The following PCDH15 variants were observed in gnomAD, a reference collection of about 807,000 sequenced individuals.
PCDH15 encodes the protein protocadherin related 15.
In PCDH15, 129 loss-of-function variants were observed where a neutral mutation model predicts 178.5. The observed-to-expected ratio is 0.72, with a 90% CI of 0.63 to 0.84. The LOEUF is 0.84. Among genes scored for constraint, PCDH15 ranks in the 40% least tolerant of loss-of-function variants. PCDH15 has a pLI of 0.00. For missense variants in PCDH15, 2,230 were observed against 2,099.9 expected (o/e 1.06, Z -1.21); for synonymous variants, 800 against 732.0 (o/e 1.09, Z -1.50).
At chr10:54,250,739 A>G (rs989260035) in intron 8 of PCDH15, among the ~76,000 whole-genome samples, 43 of 152,304 alleles carry the variant, frequency 2.8e-4, no homozygotes, top group African/African-American at 9.9e-4. Context: ...ACTAGTCACA[A>G]AATTCATGGA....
chr10:54,699,488 C>T (rs993049456), intron 1 of PCDH15, among the ~76,000 whole-genome samples: 9 of 151,976 alleles, frequency 5.9e-5, no homozygotes, highest in Non-Finnish European at 1.3e-4. Context: ...TTCAATATGA[C>T]AGAAAATTAT....
At chr10:54,949,585 C>T (rs1002158788) in intron 2 of PCDH15, among the ~76,000 whole-genome samples, 9 of 151,922 alleles carry the variant, frequency 5.9e-5, no homozygotes, top group African/African-American at 1.7e-4. Context: ...TCTTTTATAT[C>T]GCATAGTCAA....
rs140054560 is a variant in PCDH15, at chr10:54,925,923, A to G, written c.-79-28423T>C. ...GGATAGTTTGATTTCTTCTTTTTCT[A>G]TTTGGATGTGTTTATTTGTTTGTTG... On this transcript the variant is annotated intron_variant, in intron 2 of 5. Transcript: ENST00000458638. Among the ~76,000 whole-genome samples the G allele has an allele frequency of 1.2e-4, 19 of 152,010 alleles. No homozygotes were observed. The East Asian group carries it at 3.7e-3, about 29-fold the overall frequency.
intron 3 of PCDH15, 137 bp downstream of exon 3, chr10:54,527,675 C>A (rs1410362617): frequency 5.7e-6 from 3 of 524,228 alleles, no homozygotes; most frequent in South Asian, 4.1e-5. Context: ...ATAATTTAAA[C>A]CCATACTGGA....
intron 8 of PCDH15, among the ~76,000 whole-genome samples, chr10:54,265,410 T>G (rs2057607124): frequency 6.6e-6 from 1 of 151,692 alleles, no homozygotes; most frequent in Non-Finnish European, 1.5e-5. Flanking sequence ...GAACAAAATC[T>G]CACATATAAA....
At chr10:53,991,036 G>A (rs2091440004) in intron 21 of PCDH15, among the ~76,000 whole-genome samples, 1 of 152,102 alleles carries the variant, frequency 6.6e-6, no homozygotes, top group Non-Finnish European at 1.5e-5. Flanking sequence ...CCAGGCCTCA[G>A]CCACCTCCCC....
intron 5 of PCDH15, among the ~76,000 whole-genome samples, chr10:54,368,857 G>C (rs1947206051): frequency 6.6e-6 from 1 of 151,806 alleles, no homozygotes; most frequent in African/African-American, 2.4e-5. Context: ...CATGTAGATG[G>C]ATCTAGGCAA....
intron 15 of PCDH15, among the ~76,000 whole-genome samples, chr10:54,097,810 C>T (rs1015792973): frequency 1.3e-5 from 2 of 152,082 alleles, no homozygotes; most frequent in African/African-American, 2.4e-5. Context: ...CAGGTCTCTC[C>T]CTGCTCCTGT....
At chr10:54,318,752 G>A (rs533112301) in intron 7 of PCDH15, among the ~76,000 whole-genome samples, 19 of 152,170 alleles carry the variant, frequency 1.2e-4, no homozygotes, top group South Asian at 4.1e-4. Flanking sequence ...ATTCAACTGC[G>A]GTTATGTGAT....
chr10:54,789,177 T>C (rs183796398), intron 1 of PCDH15, among the ~76,000 whole-genome samples: 14 of 152,050 alleles, frequency 9.2e-5, no homozygotes, highest in Admixed American at 9.2e-4. Flanking sequence ...AGAATGTCTT[T>C]GGTATGACCA....
At chr10:54,292,046 G>A (rs911073721) in intron 8 of PCDH15, among the ~76,000 whole-genome samples, 3 of 152,130 alleles carry the variant, frequency 2.0e-5, no homozygotes, top group African/African-American at 7.2e-5. Context: ...CAATATCCCT[G>A]ATGAACATTG....
chr10:54,317,580 G>C (rs941643233), intron 7 of PCDH15, 139 bp from the exon 8 acceptor site: 2 of 958,274 alleles, frequency 2.1e-6, no homozygotes, highest in African/African-American at 1.6e-5. Context: ...TTTGATACCA[G>C]CCTGGCAAAC....
chr10:54,882,106 G>A (rs1954274908), intron 3 of PCDH15, among the ~76,000 whole-genome samples: 1 of 152,102 alleles, frequency 6.6e-6, no homozygotes, highest in East Asian at 1.9e-4. Flanking sequence ...TCATATGATA[G>A]TATTTTATTT....
At chr10:55,041,733 G>C (rs553714764) in intron 2 of PCDH15, among the ~76,000 whole-genome samples, 2 of 152,040 alleles carry the variant, frequency 1.3e-5, no homozygotes, top group Non-Finnish European at 2.9e-5. Flanking sequence ...TAAATACATT[G>C]GGATTAATTT....
rs1285905443 is a variant in PCDH15 at position 53,808,932 on chromosome 10, C to T, written c.4671+1624G>A. Reference sequence around the variant, plus strand: ...GAGCTTCAGGGTCTGTACTTTCTTCCACAGGGGCTGGTCCACTTTCTTCTT... The same window carrying T: ...GAGCTTCAGGGTCTGTACTTTCTTCTACAGGGGCTGGTCCACTTTCTTCTT... On this transcript the variant is annotated intron_variant, in intron 37 of 37. Coordinates refer to ENST00000644397, the MANE Select transcript of PCDH15 (RefSeq NM_001384140.1). 2 of 1,564,640 alleles carry T rather than the reference C, an allele frequency of 1.3e-6. No individual in the cohort carries two copies. The highest frequency in any genetic ancestry group is 4.8e-5 in the East Asian group (2 of 41,974).
intron 3 of PCDH15, among the ~76,000 whole-genome samples, chr10:54,885,444 G>T (rs1204899257): frequency 6.6e-6 from 1 of 151,978 alleles, no homozygotes; most frequent in East Asian, 1.9e-4. Context: ...GAAGGCAGAG[G>T]TTTAGAATTT....
At chr10:53,917,809 G>C (rs1433378683) in intron 25 of PCDH15, among the ~76,000 whole-genome samples, 1 of 152,118 alleles carries the variant, frequency 6.6e-6, no homozygotes, top group Non-Finnish European at 1.5e-5. Context: ...GATCATGGGG[G>C]TGGACCCCTC....
At chr10:54,162,678 T>C (rs1686192529) in intron 13 of PCDH15, among the ~76,000 whole-genome samples, 2 of 152,168 alleles carry the variant, frequency 1.3e-5, no homozygotes, top group Non-Finnish European at 2.9e-5. Context: ...TTGAGAACTC[T>C]ACTGGGATCA....
At chr10:54,921,950 T>G (rs920787031) in intron 2 of PCDH15, among the ~76,000 whole-genome samples, 2 of 152,062 alleles carry the variant, frequency 1.3e-5, no homozygotes, top group South Asian at 2.1e-4. Context: ...AAGAGGGAAG[T>G]GCAAAACACT....
Sources: gnomAD v4.1 joint callset for allele counts (sites outside exome capture counted in the v4.1 genomes callset) on GRCh38, gnomAD v4.1.1 for gene constraint, MANE v1.5 for transcripts, NCBI Gene and HGNC (gene_info 2026-07-23, HGNC 2026-07-21) for gene names.